Variants in CMC2 observed in about 807,000 individuals in gnomAD.
CMC2 encodes C-X9-C motif containing 2.
In CMC2, 5 loss-of-function variants were observed where a neutral mutation model predicts 7.5. The observed-to-expected ratio is 0.66, with a 90% confidence interval of 0.35 to 1.40. The LOEUF (loss-of-function observed/expected upper bound fraction) is 1.40. Among genes scored for constraint, CMC2 ranks in the 40% most tolerant of loss-of-function variants. The pLI, the probability that CMC2 is intolerant of heterozygous loss-of-function variation, is 0.04. For missense variants in CMC2, 115 were observed against 92.3 expected, an observed-to-expected ratio of 1.25 and a Z score of -1.01; for synonymous variants, 37 against 31.4, an observed-to-expected ratio of 1.18 and a Z score of -0.60.
intron 2 of CMC2, among the ~76,000 whole-genome samples, chr16:80,990,489 T>C (rs1443637582): frequency 6.6e-6 from 1 of 152,086 alleles, no homozygotes; most frequent in East Asian, 1.9e-4. Flanking sequence ...TGTAAAAGTG[T>C]CACTCCTCCA....
intron 1 of CMC2, among the ~76,000 whole-genome samples, chr16:81,000,821 A>T (rs75412681): frequency 0.63 from 95,812 of 152,100 alleles, 31,708 homozygotes; most frequent in South Asian, 0.79. Context: ...AGCTACCACT[A>T]GATCCAGCAA....
chr16:80,991,073 G>A (rs193215572), intron 2 of CMC2, among the ~76,000 whole-genome samples: 37 of 150,406 alleles, frequency 2.5e-4, no homozygotes, highest in Admixed American at 2.3e-3. Context: ...AAGACTCTCA[G>A]TGGCCAAAGC....
intron 1 of CMC2, among the ~76,000 whole-genome samples, chr16:81,000,758 T>C (rs1017739339): frequency 4.6e-5 from 7 of 152,332 alleles, no homozygotes; most frequent in African/African-American, 1.2e-4. Context: ...GGAATGTCAA[T>C]TAGTTCACCC....
chr16:81,005,770 T>C (rs991382643), intron 1 of CMC2, among the ~76,000 whole-genome samples: 11 of 152,162 alleles, frequency 7.2e-5, no homozygotes, highest in Non-Finnish European at 1.5e-4. Context: ...GAATAAACAT[T>C]ACCAGGACTT....
At chr16:80,997,262 G>C (rs1968499371) in intron 2 of CMC2, 52 bp downstream of exon 2, 1 of 963,846 alleles carries the variant, frequency 1.0e-6, no homozygotes, top group South Asian at 1.3e-5. Context: ...TACATCAGTG[G>C]GTTATAACTA....
chr16:81,006,764 G>C lies in CMC2; in HGVS notation c.-66C>G. 1 of 985,748 alleles carries C rather than the reference G, an allele frequency of 1.0e-6. No homozygotes were observed. The highest frequency in any genetic ancestry group is 1.2e-6 in the Non-Finnish European group (1 of 830,190). The allele number at this position is 985,748 out of a possible 1,614,324, so 61.1% of individuals were successfully genotyped here. ...TCGTGGCCACACCGGGAGAACTGAA[G>C]CGGCAGTAGCCGGCGGAGACGCCCG... On this transcript the variant is annotated 5_prime_UTR_variant, in exon 1 of 4. Transcript: ENST00000219400.
Position 80,969,640 on chromosome 16 carries a change from C to A in CMC2, c.*6453G>T, listed in dbSNP as rs1911781951. ...CGGTGGTTCAGGCCTGTAATCCCAG[C>A]ACTTCAGGAGGCCGAGGCAGGTGGA... On this transcript the variant is annotated 3_prime_UTR_variant, in exon 4 of 4. Transcript: ENST00000219400. The A allele has an allele frequency of 2.0e-5, 3 of 152,454 alleles. No homozygotes were observed. The highest frequency in any genetic ancestry group is 1.3e-4 in the Admixed American group (2 of 15,286). The allele number at this position is 152,454 out of a possible 1,614,324, so 9.4% of individuals were successfully genotyped here.
At chr16:80,981,263 G>A (rs1223669490) in intron 3 of CMC2, among the ~76,000 whole-genome samples, 2 of 152,152 alleles carry the variant, frequency 1.3e-5, no homozygotes, top group African/African-American at 4.8e-5. Context: ...AAAAGACAAT[G>A]AACTGTGTAC....
intron 3 of CMC2, among the ~76,000 whole-genome samples, chr16:80,979,766 G>A (rs751098215): frequency 7.4e-5 from 11 of 149,042 alleles, no homozygotes; most frequent in East Asian, 4.0e-4. Context: ...AACTACAGGC[G>A]CCCGCCACCA....
In CMC2 at chr16:80,990,026, A is replaced by G. The variant is rs72823288; in HGVS notation, c.81+7288T>C. 6.8e-3 allele frequency among the ~76,000 whole-genome samples: 1,041 copies of G among 152,218 alleles called. 1 individual carries two copies. The highest frequency in any genetic ancestry group is 9.8e-3 in the Non-Finnish European group (667 of 67,994). ...TAGTGTAATTAGATGACTCATTTCA[A>G]GTAAGTTTGTTTGGTTTTGCTTGTA... On this transcript the variant is annotated intron_variant, in intron 2 of 3. Transcript: ENST00000219400.
Position 80,974,177 on chromosome 16 carries a change from C to G in CMC2, c.*1916G>C, listed in dbSNP as rs1041137249. The stretch of plus-strand genomic sequence containing the variant: ...ATCCTAGACACTTCCTTAAACCCTA[C>G]ACCTAGTCAGTCATGCTGACTCAAT... On this transcript the variant is annotated 3_prime_UTR_variant, in exon 4 of 4. Coordinates refer to ENST00000219400, the MANE Select transcript of CMC2 (RefSeq NM_020188.5). 6.6e-6 allele frequency: 1 copy of G among 152,296 alleles called. No homozygotes were observed. The highest frequency in any genetic ancestry group is 1.5e-5 in the Non-Finnish European group (1 of 68,076). 9.4% of individuals were successfully genotyped at this position (152,296 alleles called of 1,614,324 possible).
Position 80,985,519 on chromosome 16 carries a change from A to G in CMC2, c.82-3642T>C, listed in dbSNP as rs1432234888. Among the ~76,000 whole-genome samples the G allele has an allele frequency of 3.3e-5, 5 of 152,320 alleles. No homozygotes were observed. In the South Asian group the frequency reaches 1.0e-3, roughly 32 times the overall value. ...ATGTAAAATTATAATTTATCATTGT[A>G]ATTTTAAAATAATTTTTTCTTCATT... On this transcript the variant is annotated intron_variant, in intron 2 of 3. Coordinates refer to ENST00000219400, the MANE Select transcript of CMC2 (RefSeq NM_020188.5).
chr16:80,987,628 G>A (rs551873972), intron 2 of CMC2, among the ~76,000 whole-genome samples: 22 of 152,200 alleles, frequency 1.4e-4, no homozygotes, highest in Non-Finnish European at 1.5e-4. Context: ...TGAAAGCTGT[G>A]GAAATAACAC....
rs1364936425 is a variant in CMC2, at chr16:80,967,072, A to T, written c.*9021T>A. ...TAAAAATTCATTCATTCAGTGAAAA[A>T]GCATTTATTGAATACCAATTATGTG... is the stretch of plus-strand genomic sequence containing the variant. On this transcript the variant is annotated 3_prime_UTR_variant, in exon 4 of 4. Coordinates refer to ENST00000219400, the MANE Select transcript of CMC2 (RefSeq NM_020188.5). 2.0e-5 allele frequency: 3 copies of T among 152,230 alleles called. No homozygotes were observed. The highest frequency in any genetic ancestry group is 2.9e-5 in the Non-Finnish European group (2 of 68,036). 9.4% of individuals were successfully genotyped at this position (152,230 alleles called of 1,614,324 possible).
intron 2 of CMC2, among the ~76,000 whole-genome samples, chr16:80,996,576 T>C (rs1597262552): frequency 6.6e-6 from 1 of 152,316 alleles, no homozygotes; most frequent in African/African-American, 2.4e-5. Context: ...ACTTACCACC[T>C]TACTTTTGGT....
Position 80,976,149 on chromosome 16 carries a change from G to C in CMC2, c.184C>G (p.His62Asp). 3 of 1,607,516 alleles carry C rather than the reference G, an allele frequency of 1.9e-6. No homozygotes were observed. Among genetic ancestry groups the C allele is most frequent in the Non-Finnish European group, 8.5e-7 (1 of 1,175,096 alleles). The change falls in exon 4 of 4, where the codon CAT (histidine) becomes GAT (aspartate). Residue 62 changes from histidine (H) to aspartate (D), a missense_variant. His to Asp is a moderately conservative substitution (Grantham distance 81). Transcript: ENST00000219400. Reference protein sequence around the residue: ...YVENRTKSREHGIAMRKKLFN... With the variant: ...YVENRTKSREDGIAMRKKLFN... ...AGTTTCTTTCGCATTGCAATGCCAT[G>C]CTCCCTGCTCTTGGTCCTGTTTTCT...
chr16:81,001,741 ACTGT>A (rs926962459), intron 1 of CMC2, among the ~76,000 whole-genome samples: 2 of 152,168 alleles, frequency 1.3e-5, no homozygotes, highest in Admixed American at 1.3e-4. Flanking sequence ...GAAACAAAAA[ACTGT>A]CTGAACAAAT....
chr16:80,992,077 T>C (rs567678929), intron 2 of CMC2: 91 of 367,846 alleles, frequency 2.5e-4, no homozygotes, highest in African/African-American at 1.0e-3. Context: ...ACCTTATCAA[T>C]GTAAGATGTT....
intron 1 of CMC2, among the ~76,000 whole-genome samples, chr16:81,001,628 G>A (rs765822627): frequency 2.0e-5 from 3 of 152,006 alleles, no homozygotes; most frequent in South Asian, 2.1e-4. Context: ...TTTATGTTAC[G>A]TGCATTTCAC....
Sources: gnomAD v4.1 joint callset for allele counts (sites outside exome capture counted in the v4.1 genomes callset) on GRCh38, gnomAD v4.1.1 for gene constraint, MANE v1.5 for transcripts, NCBI Gene and HGNC (gene_info 2026-07-23, HGNC 2026-07-21) for gene names.